Variants in TAX1BP1 observed in about 807,000 individuals in gnomAD.
TAX1BP1 encodes the protein Tax1 binding protein 1.
A neutral mutation model predicts 97.7 loss-of-function variants in TAX1BP1; 62 were observed. That is an observed-to-expected ratio of 0.63 (90% CI 0.52 to 0.78). TAX1BP1 has a LOEUF of 0.78. Among genes scored for constraint, TAX1BP1 ranks in the 30% least tolerant of loss-of-function variants. TAX1BP1 has a pLI of 0.00. For synonymous variants in TAX1BP1, 340 were observed against 304.2 expected (o/e 1.12, Z -1.23); for missense variants, 867 against 916.1 (o/e 0.95, Z 0.69).
chr7:27,779,177 G>T (rs1251640768), intron 5 of TAX1BP1, among the ~76,000 whole-genome samples: 1 of 151,888 alleles, frequency 6.6e-6, no homozygotes, highest in African/African-American at 2.4e-5. Flanking sequence ...AAAATATAGA[G>T]ACAAGGCCTC....
At chr7:27,746,796 G>A (rs758620728) in intron 1 of TAX1BP1, among the ~76,000 whole-genome samples, 21 of 152,118 alleles carry the variant, frequency 1.4e-4, no homozygotes, top group Non-Finnish European at 2.1e-4. Flanking sequence ...TGGTTTCCAG[G>A]TTCATGATTG....
At chr7:27,792,643 A>G (rs1043173763) in intron 9 of TAX1BP1, among the ~76,000 whole-genome samples, 14 of 152,110 alleles carry the variant, frequency 9.2e-5, no homozygotes, top group African/African-American at 1.4e-4. Flanking sequence ...AAGAGACCCT[A>G]TGTTGCTCTG....
In TAX1BP1 at chr7:27,785,448, T is replaced by G. The variant is rs1184171686; in HGVS notation, c.811T>G (p.Cys271Gly). The G allele has an allele frequency of 6.2e-7, 1 of 1,613,594 alleles. No individual in the cohort carries two copies. The highest frequency in any genetic ancestry group is 1.3e-5 in the African/African-American group (1 of 74,892). ...ACAACATGAAAGAGAACAACTTGAA[T>G]GTCAGTTGAAGACAGAGAAGGATGA... is the stretch of plus-strand genomic sequence containing the variant. ...KAQHEREQLE[C>G]QLKTEKDEKE... is the part of the protein sequence containing the mutation. Residue 271 changes from cysteine (C) to glycine (G), a missense_variant, in exon 7 of 17, where the codon TGT becomes GGT. Cys to Gly is a radical substitution (Grantham distance 159). Around this residue, in one of 3 missense-constraint regions of TAX1BP1, gnomAD observed 822 missense variants for 851.4 expected, o/e 0.97. Transcript: ENST00000396319.
intron 4 of TAX1BP1, 113 bp downstream of exon 4, chr7:27,766,134 G>A (rs1437268233): frequency 1.3e-5 from 15 of 1,151,236 alleles, no homozygotes; most frequent in Non-Finnish European, 4.8e-6. Flanking sequence ...AAAATCGAAT[G>A]CTTTGGCTGG....
At chr7:27,804,422 ATTG>A (rs1234146633) in intron 13 of TAX1BP1, among the ~76,000 whole-genome samples, 1 of 152,208 alleles carries the variant, frequency 6.6e-6, no homozygotes, top group Non-Finnish European at 1.5e-5. Context: ...TCTGTGTGGT[ATTG>A]TTCCAGCAAC....
chr7:27,771,452 T>C (rs1255846907), intron 5 of TAX1BP1, among the ~76,000 whole-genome samples: 1 of 151,820 alleles, frequency 6.6e-6, no homozygotes, highest in African/African-American at 2.4e-5. Context: ...GGCGGAATGA[T>C]AGGCCTTCAT....
chr7:27,792,161 C>T lies in TAX1BP1; in HGVS notation c.1194C>T (p.Asn398=), dbSNP rs776247108. 5.8e-5 allele frequency: 94 copies of T among 1,613,684 alleles called. No homozygotes were observed. The highest frequency in any genetic ancestry group is 3.3e-4 in the Middle Eastern group (2 of 6,084). ...ACCTGCATACTGCACGCTTGGAAAA[C>T]GAGAAAGTGAAAAAGCAGTTAGCTG... ...MADLHTARLE[N]EKVKKQLADA... The change falls in exon 9 of 17, where the codon AAC becomes AAT. Residue 398 remains asparagine, a synonymous_variant. Coordinates refer to ENST00000396319, the MANE Select transcript of TAX1BP1 (RefSeq NM_006024.7).
chr7:27,806,584 C>T (rs1420255743), intron 13 of TAX1BP1, among the ~76,000 whole-genome samples: 1 of 152,126 alleles, frequency 6.6e-6, no homozygotes, highest in Non-Finnish European at 1.5e-5. Context: ...GGGTCTCTTT[C>T]TGTACTTTGA....
Position 27,787,603 on chromosome 7 carries a change from A to G in TAX1BP1, c.1038A>G (p.Lys346=). 1 of 1,602,038 alleles carries G rather than the reference A, an allele frequency of 6.2e-7. No individual in the cohort carries two copies. The highest frequency in any genetic ancestry group is 8.5e-7 in the Non-Finnish European group (1 of 1,175,794). The stretch of plus-strand genomic sequence containing the variant: ...CTTTCCTGCTTACAACCTCAAGTAA[A>G]GTAAGTACTTTTGCTATATATATTT... ...QRTFLLTTSS[K]EDTCFLKEQL... Residue 346 remains lysine (K), a splice_region_variant and synonymous_variant, in exon 8 of 17, where the codon AAA becomes AAG. Coordinates refer to ENST00000396319, the MANE Select transcript of TAX1BP1 (RefSeq NM_006024.7).
chr7:27,797,244 G>A (rs1462401254), intron 12 of TAX1BP1, among the ~76,000 whole-genome samples: 1 of 151,926 alleles, frequency 6.6e-6, no homozygotes, highest in Non-Finnish European at 1.5e-5. Flanking sequence ...TGATCCACTC[G>A]CCTCGGCCTG....
At chr7:27,763,472 AATCAGAC>A (rs1788506162) in intron 3 of TAX1BP1, among the ~76,000 whole-genome samples, 1 of 152,168 alleles carries the variant, frequency 6.6e-6, no homozygotes, top group Non-Finnish European at 1.5e-5. Context: ...TTTTTTAAAG[AATCAGAC>A]CTTGAGGCCG....
intron 8 of TAX1BP1, 45 bp from the exon 9 acceptor site, chr7:27,791,961 T>C (rs756983623): frequency 8.9e-6 from 14 of 1,581,788 alleles, no homozygotes; most frequent in South Asian, 1.1e-5. Context: ...TTCTGTTTTT[T>C]ACTTGAGTGG....
In TAX1BP1 at chr7:27,793,081, C is replaced by T. The variant is rs768038533; in HGVS notation, c.1279C>T (p.Leu427=). The change falls in exon 10 of 17, where the codon CTG becomes TTG. Residue 427 remains leucine (L), a synonymous_variant. Coordinates refer to ENST00000396319, the MANE Select transcript of TAX1BP1 (RefSeq NM_006024.7). ...TTCTTTCTAGGACAAGACTGATACA[C>T]TGGAACACGAACTAAGAAGAGAAGT... ...MKKDQDKTDT[L]EHELRREVED... 3 of 1,600,426 alleles carry T rather than the reference C, an allele frequency of 1.9e-6. No homozygotes were observed. Among genetic ancestry groups the T allele is most frequent in the Non-Finnish European group, 1.7e-6 (2 of 1,176,910 alleles).
intron 2 of TAX1BP1, among the ~76,000 whole-genome samples, 188 bp downstream of exon 2, chr7:27,748,874 C>T (rs2074769): frequency 0.22 from 34,165 of 152,122 alleles, 4,957 homozygotes; most frequent in East Asian, 0.52. Flanking sequence ...CCAGATTTTC[C>T]TCTCCCTGAT....
intron 15 of TAX1BP1, among the ~76,000 whole-genome samples, chr7:27,821,412 C>G (rs1444574664): frequency 6.6e-6 from 1 of 151,972 alleles, no homozygotes; most frequent in Non-Finnish European, 1.5e-5. Flanking sequence ...AGGCAGATCA[C>G]TTGAGGTCAG....
At chr7:27,815,904 C>T (rs983817898) in intron 13 of TAX1BP1, among the ~76,000 whole-genome samples, 9 of 151,918 alleles carry the variant, frequency 5.9e-5, no homozygotes, top group Admixed American at 3.9e-4. Flanking sequence ...TGTGGTGGTG[C>T]GCATCTGTAA....
chr7:27,771,943 A>G (rs1341447195), intron 5 of TAX1BP1: 1 of 152,064 alleles, frequency 6.6e-6, no homozygotes, highest in Non-Finnish European at 1.5e-5. Flanking sequence ...GAGAATCATC[A>G]AGGAAGGACT....
intron 5 of TAX1BP1, among the ~76,000 whole-genome samples, chr7:27,774,254 T>C (rs1236371912): frequency 6.6e-6 from 1 of 152,118 alleles, no homozygotes; most frequent in Non-Finnish European, 1.5e-5. Flanking sequence ...TTTGTGTTGT[T>C]GTAGAGTGAC....
intron 16 of TAX1BP1, 103 bp from the exon 17 acceptor site, chr7:27,828,525 T>A: frequency 9.4e-7 from 1 of 1,063,498 alleles, no homozygotes; most frequent in Non-Finnish European, 1.4e-6. Flanking sequence ...GGTTGTTTAG[T>A]ATGAATATCA....
Sources: gnomAD v4.1 joint callset for allele counts (sites outside exome capture counted in the v4.1 genomes callset) on GRCh38, gnomAD v4.1.1 for gene constraint, gnomAD v4.1.1 regional missense constraint, MANE v1.5 for transcripts, NCBI Gene and HGNC (gene_info 2026-07-23, HGNC 2026-07-21) for gene names.